FOXP2: variants seen among roughly 807,000 people sequenced by gnomAD.
FOXP2 encodes forkhead box P2, also known as forkhead box protein P2.
A neutral mutation model predicts 115.8 loss-of-function variants in FOXP2; 12 were observed. The ratio of observed to expected loss-of-function variants is 0.10; its 90% CI spans 0.07 to 0.17. The LOEUF (loss-of-function observed/expected upper bound fraction) is 0.17. Among genes scored for constraint, FOXP2 ranks in the 10% least tolerant of loss-of-function variants. The probability of loss-of-function intolerance (pLI) is 1.00; values close to 1 mark genes in which losing one functional copy is unlikely to be tolerated. For missense variants in FOXP2, 629 were observed against 843.5 expected (o/e 0.75, Z 3.15); for synonymous variants, 328 against 297.7 (o/e 1.10, Z -1.05).
At position 114,113,899 on chromosome 7, in the gene FOXP2, G is replaced by A. The variant is rs530981354; in HGVS notation, c.-247+26061G>A. On this transcript the variant is annotated intron_variant, in intron 1 of 19. Coordinates refer to the FOXP2 transcript ENST00000635638. The stretch of plus-strand genomic sequence containing the variant: ...TTTTACCAATTTTAAAATAACTTGA[G>A]AAAGGGTTGAAAAATTGTATTTAAG... Among the ~76,000 whole-genome samples the A allele has an allele frequency of 4.6e-5, 7 of 152,200 alleles. No individual in the cohort carries two copies. In the South Asian group the frequency reaches 1.4e-3, roughly 32 times the overall value.
rs771176730 is a variant in FOXP2 at position 114,538,419 on chromosome 7, T to C, written c.258+3713T>C. 1.1e-4 allele frequency: 139 copies of C among 1,217,332 alleles called. 2 individuals are homozygous for C. The South Asian group carries it at 1.7e-3, about 15-fold the overall frequency. The allele number at this position is 1,217,332 out of a possible 1,614,324, so 75.4% of individuals were successfully genotyped here. Reference sequence around the variant, plus strand: ...TTGCTTTGCTATCTTAGATGAATATTAGTTTTTAGCATTGTAATCACTTCC... The same window carrying C: ...TTGCTTTGCTATCTTAGATGAATATCAGTTTTTAGCATTGTAATCACTTCC... On this transcript the variant is annotated intron_variant, in intron 3 of 16. Coordinates refer to ENST00000350908, the MANE Select transcript of FOXP2 (RefSeq NM_014491.4).
intron 3 of FOXP2, among the ~76,000 whole-genome samples, chr7:114,564,878 CAAA>C (rs35022872): frequency 1.1e-5 from 1 of 88,096 alleles, no homozygotes. Context: ...AAGGCCCTGT[CAAA>C]AAAAAAAAAA....
intron 1 of FOXP2, among the ~76,000 whole-genome samples, chr7:114,221,961 G>A (rs1232779419): frequency 1.3e-5 from 2 of 152,074 alleles, no homozygotes; most frequent in African/African-American, 2.4e-5. Context: ...TCTCAAGGAT[G>A]TAATATTGAC....
At chr7:114,193,450 T>C (rs1793819064) in intron 1 of FOXP2, among the ~76,000 whole-genome samples, 1 of 151,794 alleles carries the variant, frequency 6.6e-6, no homozygotes, top group African/African-American at 2.4e-5. Flanking sequence ...TGTAATAATA[T>C]ATAATTATAC....
At chr7:114,469,214 G>A (rs930000980) in intron 2 of FOXP2, among the ~76,000 whole-genome samples, 1 of 151,948 alleles carries the variant, frequency 6.6e-6, no homozygotes, top group Admixed American at 6.6e-5. Flanking sequence ...GAGTGTATGT[G>A]TACATATATA....
chr7:114,448,482 G>C (rs1019888358), intron 2 of FOXP2, among the ~76,000 whole-genome samples: 1 of 152,094 alleles, frequency 6.6e-6, no homozygotes, highest in Non-Finnish European at 1.5e-5. Context: ...TTTAAATAAT[G>C]TAAGAAATCT....
intron 3 of FOXP2, among the ~76,000 whole-genome samples, chr7:114,613,312 A>G (rs901417225): frequency 1.3e-5 from 2 of 152,128 alleles, no homozygotes; most frequent in Non-Finnish European, 2.9e-5. Flanking sequence ...ATCCTTCTAG[A>G]GATATTTTGT....
At chr7:114,209,521 T>C (rs1794290945) in intron 1 of FOXP2, among the ~76,000 whole-genome samples, 2 of 152,202 alleles carry the variant, frequency 1.3e-5, no homozygotes, top group South Asian at 4.1e-4. Context: ...GGTCCACTTT[T>C]AGTCTGATGG....
intron 1 of FOXP2, among the ~76,000 whole-genome samples, chr7:114,221,658 G>A (rs1054948249): frequency 1.3e-5 from 2 of 152,016 alleles, no homozygotes; most frequent in Non-Finnish European, 2.9e-5. Flanking sequence ...CTGTACTAAA[G>A]CATCCTATTT....
intron 1 of FOXP2, among the ~76,000 whole-genome samples, chr7:114,221,181 T>C (rs1794612122): frequency 6.6e-6 from 1 of 152,196 alleles, no homozygotes; most frequent in African/African-American, 2.4e-5. Flanking sequence ...TGTTCTTCAG[T>C]CACTATTTTC....
chr7:114,468,767 T>C (rs1445964789), intron 2 of FOXP2, among the ~76,000 whole-genome samples: 1 of 152,142 alleles, frequency 6.6e-6, no homozygotes, highest in Non-Finnish European at 1.5e-5. Flanking sequence ...TTTTTATATA[T>C]CTATCCCCTG....
intron 1 of FOXP2, among the ~76,000 whole-genome samples, chr7:114,115,402 T>A (rs745929341): frequency 3.9e-5 from 6 of 152,144 alleles, no homozygotes; most frequent in Admixed American, 1.3e-4. Context: ...TTCATTTCTT[T>A]TAGAGAAATG....
At chr7:114,251,231 G>A (rs1212553762) in intron 1 of FOXP2, among the ~76,000 whole-genome samples, 5 of 152,192 alleles carry the variant, frequency 3.3e-5, no homozygotes, top group African/African-American at 4.8e-5. Context: ...CAGGTAGCGT[G>A]ATGCCTGCAG....
chr7:114,564,468 A>G (rs1800904574), intron 3 of FOXP2, among the ~76,000 whole-genome samples: 1 of 152,150 alleles, frequency 6.6e-6, no homozygotes, highest in Admixed American at 6.6e-5. Flanking sequence ...CCCAATTGAA[A>G]CTCAACATAT....
At position 114,629,927 on chromosome 7, in the gene FOXP2, A is replaced by T. The variant is rs781437567; in HGVS notation, c.519A>T (p.Gln173His). Residue 173 changes from glutamine to histidine, a missense_variant, in exon 5 of 17, where the codon CAA becomes CAT. Physicochemically the swap from Gln to His is conservative, Grantham distance 24. This residue lies in a region of FOXP2 where 138 missense variants were observed against 205.1 expected (regional missense o/e 0.67). Coordinates refer to ENST00000350908, the MANE Select transcript of FOXP2 (RefSeq NM_014491.4). Reference sequence around the variant, plus strand: ...AACAACAGCAGCAGCAACAACAACAACAACAGCAGCAACAACAGCAGCAGC... The same window carrying T: ...AACAACAGCAGCAGCAACAACAACATCAACAGCAGCAACAACAGCAGCAGC... Reference protein sequence around the residue: ...QQQQQQQQQQQQQQQQQQQQQ... With the variant: ...QQQQQQQQQQHQQQQQQQQQQ... 3.1e-6 allele frequency: 5 copies of T among 1,608,924 alleles called. No homozygotes were observed. In the South Asian group the frequency reaches 5.5e-5, roughly 18 times the overall value.
At chr7:114,167,185 T>C (rs893248591) in intron 1 of FOXP2, among the ~76,000 whole-genome samples, 3 of 152,246 alleles carry the variant, frequency 2.0e-5, no homozygotes, top group African/African-American at 7.2e-5. Context: ...ACATCCCAGA[T>C]GTCTTTCAGT....
intron 1 of FOXP2, among the ~76,000 whole-genome samples, chr7:114,099,370 A>G (rs1006954750): frequency 1.3e-5 from 2 of 152,166 alleles, no homozygotes; most frequent in African/African-American, 4.8e-5. Context: ...AAGTCAAAAG[A>G]TAACAAATGT....
chr7:114,113,391 C>A (rs1791323616), intron 1 of FOXP2, among the ~76,000 whole-genome samples: 1 of 152,066 alleles, frequency 6.6e-6, no homozygotes, highest in African/African-American at 2.4e-5. Flanking sequence ...TTCATTATTT[C>A]TATTTTTAGA....
intron 3 of FOXP2, among the ~76,000 whole-genome samples, chr7:114,554,177 TA>T (rs1411887382): frequency 6.6e-6 from 1 of 152,102 alleles, no homozygotes; most frequent in Admixed American, 6.5e-5. Flanking sequence ...AGGAAACATT[TA>T]AAAAATAAAA....
Sources: gnomAD v4.1 joint callset for allele counts (sites outside exome capture counted in the v4.1 genomes callset) on GRCh38, gnomAD v4.1.1 for gene constraint, gnomAD v4.1.1 regional missense constraint, MANE v1.5 for transcripts, NCBI Gene and HGNC (gene_info 2026-07-23, HGNC 2026-07-21) for gene names.